ZNF605: variants seen among roughly 807,000 people sequenced by gnomAD.
The protein encoded by ZNF605 is zinc finger protein 605.
ZNF605 carries 9 observed loss-of-function variants against 7.9 expected under a neutral mutation model. That is an observed-to-expected ratio of 1.14 (90% CI 0.68 to 1.98). The LOEUF (loss-of-function observed/expected upper bound fraction) is 1.98, where lower values mean the gene tolerates loss of function less well. Among genes scored for constraint, ZNF605 ranks in the 30% most tolerant of loss-of-function variants. The pLI is 0.00. For missense variants in ZNF605, 673 were observed against 762.4 expected, an observed-to-expected ratio of 0.88 and a Z score of 1.38; for synonymous variants, 255 against 260.1, an observed-to-expected ratio of 0.98 and a Z score of 0.19.
At chr12:132,952,422 C>T (rs935515546) in intron 1 of ZNF605, among the ~76,000 whole-genome samples, 15 of 144,836 alleles carry the variant, frequency 1.0e-4, no homozygotes, top group Non-Finnish European at 1.2e-4. Context: ...GATCACGCCA[C>T]TGCACTCAAG....
rs7952968 is a variant in ZNF605 at position 132,925,367 on chromosome 12, T to C, written c.*6A>G. ...AACCTTTCTGCATTCGCCAAAGTCA[T>C]GATTTTTATATTATATGATTTCTCT... On this transcript the variant is annotated 3_prime_UTR_variant, in exon 5 of 5. Coordinates refer to ENST00000360187, the MANE Select transcript of ZNF605 (RefSeq NM_183238.4). The C allele has an allele frequency of 2.5e-4, 394 of 1,561,554 alleles. 1 individual carries two copies. In the African/African-American group the frequency reaches 4.8e-3, roughly 19 times the overall value.
chr12:132,928,507 A>G (rs1445158306), intron 4 of ZNF605, among the ~76,000 whole-genome samples: 4 of 152,212 alleles, frequency 2.6e-5, no homozygotes, highest in Admixed American at 6.5e-5. Context: ...ATCACTGGAA[A>G]TTACTCCTAA....
intron 3 of ZNF605, among the ~76,000 whole-genome samples, chr12:132,940,643 C>T (rs1952426649): frequency 6.6e-6 from 1 of 152,206 alleles, no homozygotes. Flanking sequence ...CCACCCGACT[C>T]AGGCTATGGC....
intron 3 of ZNF605, among the ~76,000 whole-genome samples, chr12:132,942,940 C>T (rs1952458176): frequency 1.3e-5 from 2 of 152,266 alleles, no homozygotes; most frequent in South Asian, 2.1e-4. Flanking sequence ...TTGCCTCAGA[C>T]GATTTACCTG....
At position 132,934,201 on chromosome 12, in the gene ZNF605, C is replaced by G. The variant is rs536392437; in HGVS notation, c.16-1046G>C. Among the ~76,000 whole-genome samples the G allele has an allele frequency of 2.5e-3, 374 of 152,044 alleles. 5 individuals are homozygous for G. In the South Asian group the frequency reaches 0.033, roughly 14 times the overall value. On this transcript the variant is annotated intron_variant, in intron 3 of 4. Coordinates refer to ENST00000360187, the MANE Select transcript of ZNF605 (RefSeq NM_183238.4). Reference sequence around the variant, plus strand: ...GGCTGAGGCAGGAGAATCACTTGAACCTGGGAGGTGGAGGTTGCAGTGAGC... The same window carrying G: ...GGCTGAGGCAGGAGAATCACTTGAAGCTGGGAGGTGGAGGTTGCAGTGAGC...
chr12:132,937,500 AAC>A (rs1343426249), intron 3 of ZNF605, among the ~76,000 whole-genome samples: 4 of 151,426 alleles, frequency 2.6e-5, no homozygotes, highest in East Asian at 1.9e-4. Context: ...GCTAAAACTA[AAC>A]ACACACACAC....
rs1045441415 is a variant in ZNF605 at position 132,919,695 on chromosome 12, A to C, written c.*5678T>G. ...TGAGCCACCATGCCCGGCCCTGGCC[A>C]GTAATTCTTAAATGAGAACTTCAAG... On this transcript the variant is annotated 3_prime_UTR_variant, in exon 5 of 5. Transcript: ENST00000360187. 2.0e-4 allele frequency: 31 copies of C among 152,016 alleles called. No individual in the cohort carries two copies. Among genetic ancestry groups the C allele is most frequent in the African/African-American group, 6.8e-4 (28 of 41,408 alleles). 9.4% of individuals were successfully genotyped at this position (152,016 alleles called of 1,614,324 possible).
rs2137124651 is a variant in ZNF605, at chr12:132,926,812, T to C, written c.487A>G (p.Ile163Val). 8 of 1,614,222 alleles carry C rather than the reference T, an allele frequency of 5.0e-6. No homozygotes were observed. The highest frequency in any genetic ancestry group is 6.8e-6 in the Non-Finnish European group (8 of 1,180,044). Reference sequence around the variant, plus strand: ...CATAAATAGACTCCTGTGTGTGTTATGTGATTAGCAGTGAGCCATGGCTCT... The same window carrying C: ...CATAAATAGACTCCTGTGTGTGTTACGTGATTAGCAGTGAGCCATGGCTCT... Reference protein sequence around the residue: ...NEEPWLTANHITHTGVYLCME... With the variant: ...NEEPWLTANHVTHTGVYLCME... The change falls in exon 5 of 5, where the codon ATA becomes GTA. Residue 163 changes from isoleucine to valine, a missense_variant. Ile to Val is a conservative substitution (Grantham distance 29). Coordinates refer to ENST00000360187, the MANE Select transcript of ZNF605 (RefSeq NM_183238.4).
intron 2 of ZNF605, among the ~76,000 whole-genome samples, chr12:132,946,065 T>C (rs1374101766): frequency 6.6e-6 from 1 of 151,940 alleles, no homozygotes; most frequent in Non-Finnish European, 1.5e-5. Context: ...TGGAAACCAC[T>C]CCCCTGGCTG....
At chr12:132,929,235 C>T (rs1313204124) in intron 4 of ZNF605, among the ~76,000 whole-genome samples, 3 of 151,628 alleles carry the variant, frequency 2.0e-5, no homozygotes, top group African/African-American at 7.3e-5. Flanking sequence ...TGGTGAAACC[C>T]CATCTCTACC....
At position 132,929,870 on chromosome 12, in the gene ZNF605, G is replaced by A. The variant is rs111938248; in HGVS notation, c.137-2708C>T. On this transcript the variant is annotated intron_variant, in intron 4 of 4. Coordinates refer to ENST00000360187, the MANE Select transcript of ZNF605 (RefSeq NM_183238.4). ...TGAGGCAGGAGAATCGCTTGAACCC[G>A]GGAGTCGGAGGTTGTAGTGAGCTGA... Among the ~76,000 whole-genome samples the A allele has an allele frequency of 3.6e-3, 553 of 152,268 alleles. 4 individuals are homozygous for A. Among genetic ancestry groups the A allele is most frequent in the African/African-American group, 0.013 (524 of 41,558 alleles).
At chr12:132,952,702 G>A (rs927743587) in intron 1 of ZNF605, among the ~76,000 whole-genome samples, 1 of 151,692 alleles carries the variant, frequency 6.6e-6, no homozygotes, top group African/African-American at 2.4e-5. Context: ...ACAGCAAGGG[G>A]GAAATTCTAC....
At chr12:132,932,758 C>A (rs1455501275) in intron 4 of ZNF605, 6 of 1,536,592 alleles carry the variant, frequency 3.9e-6, no homozygotes, top group Non-Finnish European at 5.2e-6. Context: ...ATCCATGGAT[C>A]TTGTTGTTCC....
intron 4 of ZNF605, among the ~76,000 whole-genome samples, chr12:132,930,605 T>C (rs1952298665): frequency 2.6e-5 from 4 of 152,328 alleles, no homozygotes; most frequent in Admixed American, 2.6e-4. Flanking sequence ...GCAATTAATT[T>C]TGCACTTTAA....
rs1952228350 is a variant in ZNF605 at position 132,924,449 on chromosome 12, A to C, written c.*924T>G. On this transcript the variant is annotated 3_prime_UTR_variant, in exon 5 of 5. Coordinates refer to ENST00000360187, the MANE Select transcript of ZNF605 (RefSeq NM_183238.4). ...CTCAGTGCAAGTCAGTACTAAGTCA[A>C]AGGACTCAGGGGACTCCCAGCAGAC... 1 of 152,236 alleles carries C rather than the reference A, an allele frequency of 6.6e-6. No individual in the cohort carries two copies. The highest frequency in any genetic ancestry group is 6.6e-5 in the Admixed American group (1 of 15,258). The allele number at this position is 152,236 out of a possible 1,614,324, so 9.4% of individuals were successfully genotyped here.
At chr12:132,953,659 T>C (rs1952598421) in intron 1 of ZNF605, among the ~76,000 whole-genome samples, 1 of 147,796 alleles carries the variant, frequency 6.8e-6, no homozygotes, top group South Asian at 2.2e-4. Flanking sequence ...TCTCTTGACC[T>C]CCTGATCTGC....
rs1035510323 is a variant in ZNF605 at position 132,933,909 on chromosome 12, A to G, written c.16-754T>C. 2.6e-5 allele frequency among the ~76,000 whole-genome samples: 4 copies of G among 152,224 alleles called. No homozygotes were observed. Among genetic ancestry groups the G allele is most frequent in the Non-Finnish European group, 4.4e-5 (3 of 68,048 alleles). On this transcript the variant is annotated intron_variant, in intron 3 of 4. Transcript: ENST00000360187. This position sits in a 1 kb window ranked among gnomAD's most constrained non-coding sequence, Gnocchi z 4.4. The stretch of plus-strand genomic sequence containing the variant: ...ATTCTTAGGTAAGGAATACTGTTCC[A>G]TGCAGTTGAGCCCTTCAGCATGCCT...
intron 1 of ZNF605, among the ~76,000 whole-genome samples, chr12:132,949,669 G>A (rs1358976283): frequency 6.6e-6 from 1 of 152,154 alleles, no homozygotes; most frequent in African/African-American, 2.4e-5. Context: ...AGAGAATCAA[G>A]GTAAGACTCA....
rs761745428 is a variant in ZNF605, at chr12:132,922,078, TG to T, written c.*3294del. On this transcript the variant is annotated 3_prime_UTR_variant, in exon 5 of 5. Transcript: ENST00000360187. ...TCTTGACTACTGAAGGGTAAAGACT[TG>T]CCCACAGGTTAGAGATTACATGAAT... The T allele has an allele frequency of 2.6e-4, 40 of 152,210 alleles. No individual in the cohort carries two copies. Among genetic ancestry groups the T allele is most frequent in the Admixed American group, 2.2e-3 (33 of 15,280 alleles). 9.4% of individuals were successfully genotyped at this position (152,210 alleles called of 1,614,324 possible).
Sources: allele counts gnomAD v4.1 joint callset (sites outside exome capture counted in the v4.1 genomes callset), GRCh38; gene constraint gnomAD v4.1.1; non-coding constraint Gnocchi (gnomAD v3.1); transcripts MANE v1.5; gene names NCBI Gene and HGNC (gene_info 2026-07-23, HGNC 2026-07-21).